The following TACR3 variants were observed in gnomAD, a reference collection of about 807,000 sequenced individuals.
The protein encoded by TACR3 is tachykinin receptor 3, also known as neuromedin-K receptor.
In TACR3, 34 loss-of-function variants were observed where a neutral mutation model predicts 35.0. That is an observed-to-expected ratio of 0.97 (90% CI 0.74 to 1.30). The LOEUF is 1.30. Ranked by LOEUF, TACR3 falls within the 50% of genes most tolerant of loss-of-function variation. TACR3 has a pLI of 0.00. For missense variants in TACR3, 558 were observed against 591.7 expected, an observed-to-expected ratio of 0.94 and a Z score of 0.59; for synonymous variants, 233 against 221.1, an observed-to-expected ratio of 1.05 and a Z score of -0.48.
At chr4:103,640,945 T>G (rs906235883) in intron 3 of TACR3, among the ~76,000 whole-genome samples, 1 of 151,966 alleles carries the variant, frequency 6.6e-6, no homozygotes, top group Non-Finnish European at 1.5e-5. Context: ...TTGTTGCCAG[T>G]GCTTTGAGGC....
chr4:103,699,277 T>C (rs233975), intron 1 of TACR3, among the ~76,000 whole-genome samples: 152,202 of 152,320 alleles, frequency 1, 76,042 homozygotes, highest in East Asian at 1. Flanking sequence ...AAGAATATTT[T>C]CTACAGAGTG....
At chr4:103,650,700 TATATATATA>T (rs1438552938) in intron 3 of TACR3, among the ~76,000 whole-genome samples, 4 of 56,060 alleles carry the variant, frequency 7.1e-5, no homozygotes, top group Admixed American at 5.1e-4. Flanking sequence ...AATATATATT[TATATATATA>T]AATATATATA....
intron 3 of TACR3, among the ~76,000 whole-genome samples, chr4:103,631,991 A>G (rs1725076677): frequency 6.6e-6 from 1 of 152,104 alleles, no homozygotes; most frequent in Admixed American, 6.6e-5. Flanking sequence ...TTATTGTTAC[A>G]TGGGGTCTAA....
chr4:103,714,955 A>T (rs921428622), intron 1 of TACR3, among the ~76,000 whole-genome samples: 1 of 152,196 alleles, frequency 6.6e-6, no homozygotes, highest in African/African-American at 2.4e-5. Flanking sequence ...TAAAAGTGAA[A>T]TAGAAGATTA....
intron 3 of TACR3, among the ~76,000 whole-genome samples, chr4:103,596,066 C>T (rs1240146562): frequency 6.6e-6 from 1 of 150,992 alleles, no homozygotes; most frequent in Non-Finnish European, 1.5e-5. Flanking sequence ...CATGTCCCTA[C>T]AAAGGACATG....
At chr4:103,609,733 G>A (rs1724472546) in intron 3 of TACR3, among the ~76,000 whole-genome samples, 1 of 151,874 alleles carries the variant, frequency 6.6e-6, no homozygotes, top group African/African-American at 2.4e-5. Context: ...ATTTGTACCT[G>A]GTGACCAACC....
intron 3 of TACR3, among the ~76,000 whole-genome samples, chr4:103,624,933 A>G (rs565840944): frequency 4.6e-5 from 7 of 152,216 alleles, no homozygotes; most frequent in African/African-American, 1.7e-4. Context: ...GTGTGGGTGA[A>G]TGGTCTTTCT....
At chr4:103,681,093 C>T (rs1722072119) in intron 1 of TACR3, among the ~76,000 whole-genome samples, 1 of 151,776 alleles carries the variant, frequency 6.6e-6, no homozygotes, top group Non-Finnish European at 1.5e-5. Context: ...TTACACTCAA[C>T]AGATTTGCTT....
intron 3 of TACR3, among the ~76,000 whole-genome samples, chr4:103,648,789 T>C (rs1389925676): frequency 2.0e-5 from 3 of 152,142 alleles, no homozygotes; most frequent in Non-Finnish European, 4.4e-5. Context: ...TTCCTTCCTT[T>C]TGGTTATGTA....
chr4:103,605,166 T>A (rs1347153808), intron 3 of TACR3, among the ~76,000 whole-genome samples: 2 of 149,104 alleles, frequency 1.3e-5, no homozygotes, highest in Non-Finnish European at 3.0e-5. Context: ...CTCATCATTT[T>A]TTATGGCTGC....
chr4:103,693,142 T>C (rs1209856554), intron 1 of TACR3, among the ~76,000 whole-genome samples: 1 of 152,192 alleles, frequency 6.6e-6, no homozygotes, highest in African/African-American at 2.4e-5. Context: ...ATGCATACAT[T>C]ATATCATTAT....
chr4:103,689,174 C>G (rs986647360), intron 1 of TACR3, among the ~76,000 whole-genome samples: 15 of 147,514 alleles, frequency 1.0e-4, no homozygotes, highest in Non-Finnish European at 1.8e-4. Context: ...ACCGCATATT[C>G]TCACTCATAG....
chr4:103,638,993 G>C (rs1388766578), intron 3 of TACR3, among the ~76,000 whole-genome samples: 2 of 152,128 alleles, frequency 1.3e-5, no homozygotes, highest in Admixed American at 1.3e-4. Flanking sequence ...CTGTTGGTGG[G>C]ACTGTAAACT....
intron 1 of TACR3, among the ~76,000 whole-genome samples, chr4:103,694,309 G>A (rs567618212): frequency 6.9e-6 from 1 of 144,700 alleles, no homozygotes; most frequent in South Asian, 2.1e-4. Context: ...CTAATCTTGA[G>A]ACACACCAAG....
chr4:103,681,199 A>T (rs1722079809), intron 1 of TACR3, among the ~76,000 whole-genome samples: 1 of 152,080 alleles, frequency 6.6e-6, no homozygotes, highest in Admixed American at 6.6e-5. Context: ...GTCAAATCAC[A>T]TACAGTATTC....
At chr4:103,648,425 C>T (rs1725505338) in intron 3 of TACR3, among the ~76,000 whole-genome samples, 1 of 147,722 alleles carries the variant, frequency 6.8e-6, no homozygotes, top group South Asian at 2.2e-4. Flanking sequence ...CTTCCCACTT[C>T]ACCCCTACTT....
At chr4:103,606,349 C>G (rs1724362781) in intron 3 of TACR3, among the ~76,000 whole-genome samples, 2 of 151,994 alleles carry the variant, frequency 1.3e-5, no homozygotes, top group South Asian at 4.2e-4. Flanking sequence ...TAGTTTTTTC[C>G]AATTCTGTGA....
rs770796495 is a variant in TACR3, at chr4:103,591,691, G to T, written c.889-8C>A. The T allele has an allele frequency of 6.2e-6, 10 of 1,606,926 alleles. No individual in the cohort carries two copies. Among genetic ancestry groups the T allele is most frequent in the Non-Finnish European group, 6.8e-6 (8 of 1,176,754 alleles). ...AATCATCATTTTGACAACCTATAAA[G>T]AAAAAAAGTCATTTTTGACAAATAT... On this transcript the variant is annotated splice_region_variant and splice_polypyrimidine_tract_variant and intron_variant, in intron 3 of 4. Coordinates refer to ENST00000304883, the MANE Select transcript of TACR3 (RefSeq NM_001059.3).
At position 103,719,919 on chromosome 4, in the gene TACR3, A is replaced by G. The variant is rs563190018; in HGVS notation, c.-244T>C. The G allele has an allele frequency of 1.2e-5, 7 of 592,740 alleles. No homozygotes were observed. The African/African-American group carries it at 1.3e-4, about 11-fold the overall frequency. The allele number at this position is 592,740 out of a possible 1,614,324, so 36.7% of individuals were successfully genotyped here. A position where few individuals can be genotyped will look rare whatever the true frequency, so the allele number is the denominator to read the frequency against. ...GCAGAAAGAATGAGATCCTCCCGAG[A>G]TTAAGGGTTATCGAGTCACATCACA... On this transcript the variant is annotated 5_prime_UTR_variant, in exon 1 of 5. Transcript: ENST00000304883.
Sources: allele counts gnomAD v4.1 joint callset (sites outside exome capture counted in the v4.1 genomes callset), GRCh38; gene constraint gnomAD v4.1.1; transcripts MANE v1.5; gene names NCBI Gene and HGNC (gene_info 2026-07-23, HGNC 2026-07-21).